CSNK1G3: variants seen among roughly 807,000 people sequenced by gnomAD.
CSNK1G3 encodes the protein casein kinase I isoform gamma-3.
Under a neutral mutation model 64.3 loss-of-function variants are expected in CSNK1G3, and 23 were observed. The ratio of observed to expected loss-of-function variants is 0.36; its 90% CI spans 0.26 to 0.51. The LOEUF is 0.51. Ranked by LOEUF, CSNK1G3 falls within the 20% of genes least tolerant of loss-of-function variation. CSNK1G3 has a pLI of 0.96. For missense variants in CSNK1G3, 357 were observed against 510.5 expected, an observed-to-expected ratio of 0.70 and a Z score of 2.90; for synonymous variants, 158 against 162.2, an observed-to-expected ratio of 0.97 and a Z score of 0.20.
chr5:123,521,829 C>T lies in CSNK1G3; in HGVS notation c.-248+9259C>T, dbSNP rs1778157314. Among the ~76,000 whole-genome samples the T allele has an allele frequency of 2.6e-5, 4 of 151,600 alleles. No individual in the cohort carries two copies. In the South Asian group the frequency reaches 8.4e-4, roughly 32 times the overall value. ...AAAGTTTTTACTAGTGGTTCTTGGC[C>T]CGAGTTCATATTACAGTTTTCTTGG... is the stretch of plus-strand genomic sequence containing the variant. On this transcript the variant is annotated intron_variant, in intron 1 of 12. Coordinates refer to ENST00000345990, the Ensembl canonical transcript of CSNK1G3.
chr5:123,593,497 T>A (rs924292157), intron 10 of CSNK1G3, among the ~76,000 whole-genome samples: 1 of 151,992 alleles, frequency 6.6e-6, no homozygotes. Flanking sequence ...TGGGTACATG[T>A]AATTGTTTAT....
intron 12 of CSNK1G3, among the ~76,000 whole-genome samples, chr5:123,609,486 AGTG>A: frequency 6.6e-6 from 1 of 152,330 alleles, no homozygotes; most frequent in East Asian, 1.9e-4. Flanking sequence ...TATAATACTA[AGTG>A]TTCAGGACTT....
At chr5:123,579,174 C>T (rs1412694139) in intron 6 of CSNK1G3, among the ~76,000 whole-genome samples, 1 of 151,824 alleles carries the variant, frequency 6.6e-6, no homozygotes, top group Admixed American at 6.6e-5. Flanking sequence ...CCCTGCTCTG[C>T]CTCTCAATCA....
chr5:123,585,644 A>G (rs1791194542), intron 6 of CSNK1G3, among the ~76,000 whole-genome samples: 1 of 152,346 alleles, frequency 6.6e-6, no homozygotes, highest in Admixed American at 6.5e-5. Context: ...CAATTTTTTA[A>G]ACAGGCAAAC....
intron 1 of CSNK1G3, among the ~76,000 whole-genome samples, chr5:123,514,119 G>T (rs1776723690): frequency 6.6e-6 from 1 of 152,180 alleles, no homozygotes; most frequent in Non-Finnish European, 1.5e-5. Context: ...TGCTTTATGT[G>T]AACTGGCATT....
chr5:123,520,756 A>AT (rs1777959904), intron 1 of CSNK1G3, among the ~76,000 whole-genome samples: 1 of 151,876 alleles, frequency 6.6e-6, no homozygotes, highest in African/African-American at 2.4e-5. Flanking sequence ...TGTGTTATTT[A>AT]TTTTTTTAGT....
intron 1 of CSNK1G3, among the ~76,000 whole-genome samples, chr5:123,518,303 A>G (rs1023635852): frequency 1.3e-5 from 2 of 152,246 alleles, no homozygotes; most frequent in Admixed American, 6.5e-5. Flanking sequence ...AAGGAGTGGT[A>G]TATGTGGTAT....
At chr5:123,572,774 A>AT (rs1581204069) in intron 4 of CSNK1G3, among the ~76,000 whole-genome samples, 1 of 152,110 alleles carries the variant, frequency 6.6e-6, no homozygotes, top group East Asian at 1.9e-4. Context: ...CTTCTAGACT[A>AT]TCTTTTTAAA....
Position 123,591,289 on chromosome 5 carries a change from G to A in CSNK1G3, c.991-30G>A, listed in dbSNP as rs189738097. 705 of 1,359,270 alleles carry A rather than the reference G, an allele frequency of 5.2e-4. 3 individuals are homozygous for A. The African/African-American group carries it at 8.7e-3, about 17-fold the overall frequency. 84.2% of individuals were successfully genotyped at this position (1,359,270 alleles called of 1,614,324 possible). A position where few individuals can be genotyped will look rare whatever the true frequency, so the allele number is the denominator to read the frequency against. On this transcript the variant is annotated intron_variant, in intron 9 of 12. Coordinates refer to ENST00000345990, the Ensembl canonical transcript of CSNK1G3. ...TTAAATAAGAATTTTAAAATGGAAT[G>A]TATTGATACCAATTGTTATTGTATT...
At chr5:123,513,065 A>G (rs924297590) in intron 1 of CSNK1G3, among the ~76,000 whole-genome samples, 1 of 152,084 alleles carries the variant, frequency 6.6e-6, no homozygotes, top group Non-Finnish European at 1.5e-5. Flanking sequence ...CGTTCAGCTC[A>G]GGGATAAACT....
intron 1 of CSNK1G3, among the ~76,000 whole-genome samples, chr5:123,541,385 C>A (rs1781650922): frequency 6.6e-6 from 1 of 151,982 alleles, no homozygotes. Context: ...CACAGTATAT[C>A]TTTTTCTTTT....
chr5:123,523,668 A>G (rs940968310), intron 1 of CSNK1G3, among the ~76,000 whole-genome samples: 7 of 152,202 alleles, frequency 4.6e-5, no homozygotes, highest in African/African-American at 1.7e-4. Flanking sequence ...ATTCACCAAA[A>G]TGCCACAATA....
chr5:123,604,856 G>C, intron 11 of CSNK1G3, 26 bp downstream of exon 12: 2 of 1,501,444 alleles, frequency 1.3e-6, no homozygotes, highest in African/African-American at 1.4e-5. Flanking sequence ...ACTTGTTTTA[G>C]TAACTTTTTG....
intron 1 of CSNK1G3, among the ~76,000 whole-genome samples, chr5:123,524,773 G>A (rs147741626): frequency 6.6e-6 from 1 of 152,276 alleles, no homozygotes; most frequent in African/African-American, 2.4e-5. Context: ...TTTCTGAAGA[G>A]GACCTTGTTT....
chr5:123,532,725 T>C (rs993553811), intron 1 of CSNK1G3, among the ~76,000 whole-genome samples: 12 of 151,950 alleles, frequency 7.9e-5, no homozygotes, highest in African/African-American at 2.9e-4. Context: ...TTTTGAAATA[T>C]TCTTCTCAAA....
chr5:123,532,829 A>G (rs1341514285), intron 1 of CSNK1G3, among the ~76,000 whole-genome samples: 3 of 151,926 alleles, frequency 2.0e-5, no homozygotes, highest in Non-Finnish European at 2.9e-5. Context: ...CCGTATGTGG[A>G]AAAGAAATAT....
intron 4 of CSNK1G3, among the ~76,000 whole-genome samples, chr5:123,565,888 C>T (rs553494253): frequency 1.3e-5 from 2 of 152,222 alleles, no homozygotes; most frequent in Admixed American, 6.5e-5. Flanking sequence ...GGGATCTGCC[C>T]CATTGACCCA....
chr5:123,569,663 G>T (rs931483804), intron 4 of CSNK1G3, among the ~76,000 whole-genome samples: 3 of 152,092 alleles, frequency 2.0e-5, no homozygotes, highest in Non-Finnish European at 2.9e-5. Context: ...AATTCAAATT[G>T]CTTGAAAGCT....
At chr5:123,536,204 A>G (rs1204000290) in intron 1 of CSNK1G3, among the ~76,000 whole-genome samples, 2 of 152,118 alleles carry the variant, frequency 1.3e-5, no homozygotes, top group Non-Finnish European at 2.9e-5. Flanking sequence ...AATGAAAAGT[A>G]ATGATTCTCT....
Sources: gnomAD v4.1 joint callset for allele counts (sites outside exome capture counted in the v4.1 genomes callset) on GRCh38, gnomAD v4.1.1 for gene constraint, MANE v1.5 for transcripts, NCBI Gene and HGNC (gene_info 2026-07-23, HGNC 2026-07-21) for gene names.